CCDC102B: variants seen among roughly 807,000 people sequenced by gnomAD.
The protein encoded by CCDC102B is coiled-coil domain-containing protein 102B.
A neutral mutation model predicts 57.4 loss-of-function variants in CCDC102B; 75 were observed. The observed-to-expected ratio is 1.31, with a 90% CI of 1.08 to 1.58. The LOEUF (loss-of-function observed/expected upper bound fraction) is 1.58. Among genes scored for constraint, CCDC102B ranks in the 40% most tolerant of loss-of-function variants. CCDC102B has a pLI of 0.00. For synonymous variants in CCDC102B, 206 were observed against 201.9 expected (o/e 1.02, Z -0.17); for missense variants, 636 against 582.6 (o/e 1.09, Z -0.94).
intron 6 of CCDC102B, among the ~76,000 whole-genome samples, chr18:68,962,659 A>G (rs1480420690): frequency 6.6e-6 from 1 of 152,070 alleles, no homozygotes; most frequent in East Asian, 1.9e-4. Flanking sequence ...AAAAAAGAAA[A>G]ATAGAAAATC....
In CCDC102B at chr18:68,750,806, G is replaced by C. The variant is rs1426148418; in HGVS notation, c.-67+34212G>C. Among the ~76,000 whole-genome samples, 5 of 123,844 alleles carry C rather than the reference G, an allele frequency of 4.0e-5. No homozygotes were observed. In the East Asian group the frequency reaches 1.5e-3, roughly 37 times the overall value. The allele number at this position is 123,844 out of a possible 152,430, so 81.2% of individuals were successfully genotyped here. ...ACACACCAGGGCCTGTCGTGGGGTG[G>C]GGGGAGGGGGGAGGGATAGCATTAG... On this transcript the variant is annotated intron_variant, in intron 2 of 3. Transcript: ENST00000578970.
intron 1 of CCDC102B, among the ~76,000 whole-genome samples, chr18:68,820,851 A>T (rs1174471000): frequency 6.6e-6 from 1 of 152,180 alleles, no homozygotes; most frequent in Non-Finnish European, 1.5e-5. Context: ...GTAATCAAAT[A>T]ATTTAAAAGC....
chr18:68,754,955 CTTCCCAGG>C (rs1371314867), intron 2 of CCDC102B: 2 of 152,530 alleles, frequency 1.3e-5, no homozygotes, highest in African/African-American at 4.8e-5. Flanking sequence ...AATATTTGGA[CTTCCCAGG>C]CTCCAGAACT....
intron 2 of CCDC102B, among the ~76,000 whole-genome samples, chr18:68,779,283 T>C (rs375004136): frequency 6.6e-5 from 10 of 152,256 alleles, no homozygotes; most frequent in East Asian, 5.8e-4. Flanking sequence ...GAGAGAACTA[T>C]AGGAAGTAGG....
intron 7 of CCDC102B, among the ~76,000 whole-genome samples, chr18:69,017,919 C>T (rs1223791412): frequency 6.6e-6 from 1 of 152,142 alleles, no homozygotes; most frequent in African/African-American, 2.4e-5. Context: ...GCTTATTTCA[C>T]TTATCATAAT....
rs145977793 is a variant in CCDC102B, at chr18:68,871,165, T to C, written c.937-3504T>C. Among the ~76,000 whole-genome samples the C allele has an allele frequency of 5.7e-3, 863 of 152,290 alleles. 1 individual carries two copies. Among genetic ancestry groups the C allele is most frequent in the Middle Eastern group, 0.02 (6 of 294 alleles). ...TTTTTAAACAGTGATTTTGGAGTTA[T>C]ATTATGGTACAAACACAGGAAAAAA... On this transcript the variant is annotated intron_variant, in intron 4 of 7. Transcript: ENST00000360242.
chr18:68,725,324 C>T (rs893105280), intron 2 of CCDC102B, among the ~76,000 whole-genome samples: 2 of 152,166 alleles, frequency 1.3e-5, no homozygotes, highest in African/African-American at 4.8e-5. Context: ...TTTAAAGCAA[C>T]ACGAATTTAT....
chr18:68,897,485 C>A, intron 6 of CCDC102B, 57 bp downstream of exon 6: 3 of 1,578,502 alleles, frequency 1.9e-6, no homozygotes, highest in Admixed American at 1.7e-5. Flanking sequence ...GATGCCTACG[C>A]AGAGTCTGTC....
chr18:68,869,388 T>A (rs1348916469), intron 4 of CCDC102B, among the ~76,000 whole-genome samples: 2 of 152,186 alleles, frequency 1.3e-5, no homozygotes, highest in African/African-American at 4.8e-5. Flanking sequence ...AAGGGCATTG[T>A]CAACTGTGTA....
chr18:68,787,272 T>C (rs1463374532), intron 2 of CCDC102B, among the ~76,000 whole-genome samples: 12 of 151,602 alleles, frequency 7.9e-5, no homozygotes, highest in African/African-American at 2.7e-4. Flanking sequence ...TCATCAAGGA[T>C]ATTGGTCTAA....
At chr18:69,016,301 T>G (rs534928285) in intron 7 of CCDC102B, among the ~76,000 whole-genome samples, 1 of 152,228 alleles carries the variant, frequency 6.6e-6, no homozygotes, top group African/African-American at 2.4e-5. Context: ...TAAGCAAAAC[T>G]TTTAGAAAAA....
intron 2 of CCDC102B, among the ~76,000 whole-genome samples, chr18:68,734,273 A>G (rs1347757711): frequency 6.6e-6 from 1 of 152,228 alleles, no homozygotes; most frequent in Non-Finnish European, 1.5e-5. Context: ...GCAGATACCT[A>G]GCTCTGAAAA....
At chr18:68,877,633 C>T (rs143659565) in intron 5 of CCDC102B, among the ~76,000 whole-genome samples, 8 of 152,330 alleles carry the variant, frequency 5.3e-5, no homozygotes, top group South Asian at 2.1e-4. Flanking sequence ...GTGTTTAACA[C>T]GGATTCTAAT....
chr18:68,884,605 C>CAT (rs1172859718), intron 5 of CCDC102B, among the ~76,000 whole-genome samples: 138 of 142,114 alleles, frequency 9.7e-4, no homozygotes, highest in African/African-American at 3.4e-3. Flanking sequence ...CACACACACA[C>CAT]ATATACACAC....
intron 5 of CCDC102B, among the ~76,000 whole-genome samples, chr18:68,884,620 A>G (rs957030376): frequency 1.3e-5 from 2 of 151,272 alleles, no homozygotes. Flanking sequence ...ACACACACAC[A>G]TCTCCATCAT....
At chr18:68,973,200 T>A (rs1178613658) in intron 6 of CCDC102B, among the ~76,000 whole-genome samples, 1 of 152,126 alleles carries the variant, frequency 6.6e-6, no homozygotes, top group Non-Finnish European at 1.5e-5. Flanking sequence ...ATTCCTTGTT[T>A]GATGGAGGGA....
chr18:69,047,480 C>G (rs2052596644), intron 7 of CCDC102B, among the ~76,000 whole-genome samples: 1 of 152,156 alleles, frequency 6.6e-6, no homozygotes, highest in African/African-American at 2.4e-5. Context: ...ATAACCAGTA[C>G]AAGATAAAGA....
At chr18:68,749,858 A>C (rs982287033) in intron 2 of CCDC102B, among the ~76,000 whole-genome samples, 5 of 152,212 alleles carry the variant, frequency 3.3e-5, no homozygotes, top group Non-Finnish European at 5.9e-5. Context: ...ACCATTCAGG[A>C]CATAGGCATG....
intron 6 of CCDC102B, among the ~76,000 whole-genome samples, chr18:68,934,333 G>A (rs1372526596): frequency 6.6e-6 from 1 of 151,892 alleles, no homozygotes; most frequent in Non-Finnish European, 1.5e-5. Flanking sequence ...AGTGAGCCAA[G>A]TGAATATCTC....
Sources: allele counts gnomAD v4.1 joint callset (sites outside exome capture counted in the v4.1 genomes callset), GRCh38; gene constraint gnomAD v4.1.1; transcripts MANE v1.5; gene names NCBI Gene and HGNC (gene_info 2026-07-23, HGNC 2026-07-21).